The following ZC4H2 variants were observed in gnomAD, a reference collection of about 807,000 sequenced individuals.
The protein encoded by ZC4H2 is zinc finger C4H2-type containing.
For synonymous variants in ZC4H2, 84 were observed against 66.3 expected, an observed-to-expected ratio of 1.27 and a Z score of -1.30; for missense variants, 137 against 173.9, an observed-to-expected ratio of 0.79 and a Z score of 1.19.
chrX:64,980,724 G>T (rs768071920), upstream of ZC4H2, among the ~76,000 whole-genome samples: 1 of 111,340 alleles, frequency 9.0e-6, no homozygotes, highest in African/African-American at 3.3e-5. Flanking sequence ...CAGCTAGTAA[G>T]TGGCAGAACT....
chrX:64,924,587 A>C (rs1212415442), intron 1 of ZC4H2, among the ~76,000 whole-genome samples: 1 of 111,740 alleles, frequency 8.9e-6, no homozygotes, highest in East Asian at 2.8e-4. Flanking sequence ...GGGACACTAT[A>C]GGGTAAAGGG....
At chrX:64,953,960 T>C (rs997985109) in intron 1 of ZC4H2, among the ~76,000 whole-genome samples, 2 of 110,514 alleles carry the variant, frequency 1.8e-5, no homozygotes, top group Admixed American at 9.7e-5. Flanking sequence ...AAATGTGGCA[T>C]ATATACACCG....
intron 1 of ZC4H2, among the ~76,000 whole-genome samples, chrX:64,930,983 CT>C (rs1009679679): frequency 9.0e-6 from 1 of 111,597 alleles, no homozygotes; most frequent in Non-Finnish European, 1.9e-5. Flanking sequence ...GTGAATCCAC[CT>C]GGTTCTGAAC....
At chrX:64,944,544 C>T (rs1478760342) in intron 1 of ZC4H2, among the ~76,000 whole-genome samples, 4 of 110,828 alleles carry the variant, frequency 3.6e-5, no homozygotes, top group South Asian at 3.8e-4. Context: ...GTGAATCTGA[C>T]GCTTATGTGT....
In ZC4H2 at chrX:64,933,975, A is replaced by G. The variant is rs767572976; in HGVS notation, c.54-11987T>C. ...TCTCAATGAGATGTGCTGAGGTTTTATAAGGGTGAAGAGTGGAAGCTACCT... is the reference window on the plus strand; with the variant it reads ...TCTCAATGAGATGTGCTGAGGTTTTGTAAGGGTGAAGAGTGGAAGCTACCT... On this transcript the variant is annotated intron_variant, in intron 1 of 4. Coordinates refer to ENST00000374839, the MANE Select transcript of ZC4H2 (RefSeq NM_018684.4). Among the ~76,000 whole-genome samples, 3 of 111,556 alleles carry G rather than the reference A, an allele frequency of 2.7e-5. No homozygotes were observed. The South Asian group carries it at 1.1e-3, about 42-fold the overall frequency.
rs1396655781 is a variant in ZC4H2 at position 64,976,381 on chromosome X, T to G, written c.-4A>C. Reference sequence around the variant, plus strand: ...TGATTTCTTGCTCATCTGCCATACTTTTCACTGTCAATTTCACGTCCCGAG... The same window carrying G: ...TGATTTCTTGCTCATCTGCCATACTGTTCACTGTCAATTTCACGTCCCGAG... On this transcript the variant is annotated 5_prime_UTR_variant, in exon 1 of 5. Coordinates refer to ENST00000374839, the MANE Select transcript of ZC4H2 (RefSeq NM_018684.4). 4 of 1,210,712 alleles carry G rather than the reference T, an allele frequency of 3.3e-6. No individual in the cohort carries two copies. Among genetic ancestry groups the G allele is most frequent in the Non-Finnish European group, 4.5e-6 (4 of 894,663 alleles).
At chrX:65,017,990 T>TA (rs1243507794) in intron 1 of ZC4H2, among the ~76,000 whole-genome samples, 2 of 111,582 alleles carry the variant, frequency 1.8e-5, no homozygotes, top group African/African-American at 6.5e-5. Context: ...CCAATGCCAG[T>TA]ATCTAAAGAG....
At chrX:64,947,760 T>C (rs1159424179) in intron 1 of ZC4H2, among the ~76,000 whole-genome samples, 1 of 111,876 alleles carries the variant, frequency 8.9e-6, no homozygotes, top group Non-Finnish European at 1.9e-5. Flanking sequence ...CTGCTGAGTG[T>C]TCAAACTGTG....
intron 1 of ZC4H2, among the ~76,000 whole-genome samples, chrX:64,952,395 A>G (rs1336653034): frequency 1.8e-5 from 2 of 109,985 alleles, no homozygotes; most frequent in African/African-American, 6.6e-5. Flanking sequence ...CTTGGGCAGT[A>G]TGGCCATTTT....
chrX:64,950,054 T>C (rs1930724555), intron 1 of ZC4H2, among the ~76,000 whole-genome samples: 1 of 112,157 alleles, frequency 8.9e-6, no homozygotes, highest in Admixed American at 9.5e-5. Flanking sequence ...TGTATCTTTG[T>C]TCACGTTGGT....
intron 1 of ZC4H2, among the ~76,000 whole-genome samples, chrX:64,939,247 C>G (rs1930155906): frequency 9.0e-6 from 1 of 111,713 alleles, no homozygotes. Flanking sequence ...TGAAGGTTAT[C>G]TTCAAGGAGA....
chrX:64,997,462 A>G (rs1932439136), intron 1 of ZC4H2, among the ~76,000 whole-genome samples: 1 of 112,607 alleles, frequency 8.9e-6, no homozygotes, highest in South Asian at 3.6e-4. Context: ...CAGTAATATC[A>G]TATTTTTGGT....
intron 1 of ZC4H2, among the ~76,000 whole-genome samples, chrX:64,995,111 TAA>T (rs372668451): frequency 4.6e-4 from 39 of 83,928 alleles, no homozygotes; most frequent in Admixed American, 8.0e-4. Flanking sequence ...CCCTTGTCAT[TAA>T]AAAAAAAAAA....
intron 1 of ZC4H2, among the ~76,000 whole-genome samples, chrX:64,932,278 AAC>A (rs1929793507): frequency 9.0e-6 from 1 of 111,436 alleles, no homozygotes. Flanking sequence ...TCTTGAAAAC[AAC>A]ACATACTTGG....
intron 1 of ZC4H2, among the ~76,000 whole-genome samples, chrX:64,954,316 A>G (rs1275277868): frequency 1.5e-5 from 1 of 68,703 alleles, no homozygotes; most frequent in East Asian, 3.5e-4. Flanking sequence ...CTTAAAGTAT[A>G]ATTATATATA....
intron 1 of ZC4H2, among the ~76,000 whole-genome samples, chrX:65,032,738 C>T (rs182131619): frequency 1.6e-4 from 14 of 90,211 alleles, no homozygotes; most frequent in African/African-American, 6.1e-4. Context: ...TCTTTCTTTC[C>T]TTCCTTCCTT....
In ZC4H2 at chrX:64,930,439, C is replaced by T. The variant is rs774691089; in HGVS notation, c.54-8451G>A. Among the ~76,000 whole-genome samples, 3 of 111,807 alleles carry T rather than the reference C, an allele frequency of 2.7e-5. No individual in the cohort carries two copies. The South Asian group carries it at 1.1e-3, about 42-fold the overall frequency. On this transcript the variant is annotated intron_variant, in intron 1 of 4. Transcript: ENST00000374839. ...AAGTGGTGACAATAGGCATCCTTGT[C>T]TTGTTCCAGTTCTCACGGGGAATGT... is the stretch of plus-strand genomic sequence containing the variant.
chrX:64,969,767 C>T (rs1419419165), intron 1 of ZC4H2, among the ~76,000 whole-genome samples: 2 of 111,695 alleles, frequency 1.8e-5, no homozygotes, highest in Non-Finnish European at 3.8e-5. Context: ...AACCACTATG[C>T]TAATGGTGTG....
rs1201785078 is a variant in ZC4H2 at position 65,019,368 on chromosome X, C to T, written c.-272+15261G>A. The stretch of plus-strand genomic sequence containing the variant: ...GCAGCAATCTTTGCTATTCTGCAGC[C>T]TCTGCTGGTGATACCCAGGAAAACA... On this transcript the variant is annotated intron_variant, in intron 1 of 4. Transcript: ENST00000337990. 2.7e-5 allele frequency among the ~76,000 whole-genome samples: 3 copies of T among 112,412 alleles called. No individual in the cohort carries two copies. In the Admixed American group the frequency reaches 2.8e-4, roughly 11 times the overall value.
Sources: gnomAD v4.1 joint callset for allele counts (sites outside exome capture counted in the v4.1 genomes callset) on GRCh38, gnomAD v4.1.1 for gene constraint, MANE v1.5 for transcripts, NCBI Gene and HGNC (gene_info 2026-07-23, HGNC 2026-07-21) for gene names.